PTPRN2: variants seen among roughly 807,000 people sequenced by gnomAD.
The protein encoded by PTPRN2 is receptor-type tyrosine-protein phosphatase N2.
Under a neutral mutation model 118.8 loss-of-function variants are expected in PTPRN2, and 74 were observed. The ratio of observed to expected loss-of-function variants is 0.62; its 90% confidence interval spans 0.52 to 0.76. The LOEUF (loss-of-function observed/expected upper bound fraction) is 0.76. Among genes scored for constraint, PTPRN2 ranks in the 30% least tolerant of loss-of-function variants. The probability of loss-of-function intolerance (pLI) is 0.00; values close to 1 mark genes in which losing one functional copy is unlikely to be tolerated. For synonymous variants in PTPRN2, 641 were observed against 608.0 expected, an observed-to-expected ratio of 1.05 and a Z score of -0.80; for missense variants, 1,481 against 1,394.4, an observed-to-expected ratio of 1.06 and a Z score of -0.99.
intron 12 of PTPRN2, among the ~76,000 whole-genome samples, chr7:157,714,935 T>A (rs1661173047): frequency 6.8e-6 from 1 of 146,302 alleles, no homozygotes; most frequent in African/African-American, 2.5e-5. Context: ...TTCTCCTGAA[T>A]GTATTCTGGG....
chr7:158,097,148 G>A (rs1814689133), intron 10 of PTPRN2, among the ~76,000 whole-genome samples: 1 of 151,620 alleles, frequency 6.6e-6, no homozygotes, highest in Admixed American at 6.6e-5. Context: ...TCACAACTCT[G>A]CCCCCGGAAA....
intron 12 of PTPRN2, among the ~76,000 whole-genome samples, chr7:157,810,823 C>T (rs182237345): frequency 2.9e-3 from 435 of 151,900 alleles, no homozygotes; most frequent in African/African-American, 8.5e-3. Context: ...TCCACGGGGA[C>T]GGCGGGACTG....
intron 3 of PTPRN2, among the ~76,000 whole-genome samples, chr7:158,243,260 A>G (rs1795998079): frequency 6.6e-6 from 1 of 152,216 alleles, no homozygotes; most frequent in Non-Finnish European, 1.5e-5. Context: ...CCAGACTCAG[A>G]GCTGAAAAGA....
At chr7:158,300,324 C>G (rs949566192) in intron 3 of PTPRN2, among the ~76,000 whole-genome samples, 1 of 152,192 alleles carries the variant, frequency 6.6e-6, no homozygotes, top group African/African-American at 2.4e-5. Context: ...CCCCTCGTAT[C>G]GTCTGATCCG....
intron 6 of PTPRN2, among the ~76,000 whole-genome samples, chr7:158,151,514 T>TGCCCCTGCCTGCCCA (rs1563522262): frequency 6.2e-5 from 9 of 146,076 alleles, no homozygotes; most frequent in African/African-American, 1.8e-4. Context: ...TTTCTGCTCC[T>TGCCCCTGCCTGCCCA]CACCGCACGT....
In PTPRN2 at chr7:157,704,600, C is replaced by T. The variant is rs1401376160; in HGVS notation, c.1789-21663G>A. On this transcript the variant is annotated intron_variant, in intron 12 of 22. Coordinates refer to ENST00000389418, the MANE Select transcript of PTPRN2 (RefSeq NM_002847.5). ...CACCCTACCACCTCCTGGCTCCCCA[C>T]ATTCGCTTCTGGGCACACGTGGAGG... Among the ~76,000 whole-genome samples, 9 of 152,192 alleles carry T rather than the reference C, an allele frequency of 5.9e-5. No individual in the cohort carries two copies. The South Asian group carries it at 1.7e-3, about 28-fold the overall frequency.
At chr7:157,753,632 C>A (rs1486247646) in intron 12 of PTPRN2, among the ~76,000 whole-genome samples, 2 of 148,910 alleles carry the variant, frequency 1.3e-5, no homozygotes, top group African/African-American at 5.0e-5. Flanking sequence ...ACGTGCCAGG[C>A]CCCACACCTG....
intron 6 of PTPRN2, among the ~76,000 whole-genome samples, chr7:158,155,987 C>G (rs914935782): frequency 1.3e-5 from 2 of 152,166 alleles, no homozygotes; most frequent in Non-Finnish European, 2.9e-5. Context: ...CAGGGAGAAA[C>G]TGACATAATC....
intron 19 of PTPRN2, among the ~76,000 whole-genome samples, chr7:157,575,431 G>A (rs1017930057): frequency 3.9e-5 from 6 of 152,228 alleles, no homozygotes; most frequent in Admixed American, 6.5e-5. Flanking sequence ...GGGAGGTGAC[G>A]GCAGGCAGGG....
chr7:158,337,321 A>C (rs1282035048), intron 2 of PTPRN2, among the ~76,000 whole-genome samples: 1 of 150,496 alleles, frequency 6.6e-6, no homozygotes, highest in African/African-American at 2.5e-5. Context: ...CATCATTCAC[A>C]CCCACACTGT....
chr7:158,274,868 T>C (rs1798856889), intron 3 of PTPRN2, among the ~76,000 whole-genome samples: 1 of 152,184 alleles, frequency 6.6e-6, no homozygotes, highest in African/African-American at 2.4e-5. Context: ...TCATTCCGAA[T>C]ATTTATTTGC....
intron 6 of PTPRN2, among the ~76,000 whole-genome samples, chr7:158,149,745 G>A (rs928062422): frequency 1.3e-5 from 2 of 151,594 alleles, no homozygotes; most frequent in African/African-American, 2.4e-5. Context: ...CGGAGGTTGC[G>A]GTGAGCTGAG....
intron 2 of PTPRN2, among the ~76,000 whole-genome samples, chr7:158,322,435 A>C (rs1803104335): frequency 6.6e-6 from 1 of 151,368 alleles, no homozygotes; most frequent in African/African-American, 2.4e-5. Flanking sequence ...CATCGAGGAC[A>C]CTCCAGGCTA....
At chr7:158,217,064 G>A (rs1450493489) in intron 3 of PTPRN2, among the ~76,000 whole-genome samples, 2 of 152,178 alleles carry the variant, frequency 1.3e-5, no homozygotes, top group Non-Finnish European at 2.9e-5. Flanking sequence ...AGTTAAAACT[G>A]TGCTAAGTGA....
intron 13 of PTPRN2, among the ~76,000 whole-genome samples, chr7:157,681,231 C>A (rs758409081): frequency 3.3e-5 from 5 of 152,136 alleles, no homozygotes; most frequent in Non-Finnish European, 4.4e-5. Flanking sequence ...TATGATCTTC[C>A]GTCTCTCACG....
chr7:158,165,542 A>G (rs944113372), intron 6 of PTPRN2, among the ~76,000 whole-genome samples: 6 of 152,268 alleles, frequency 3.9e-5, no homozygotes, highest in African/African-American at 1.4e-4. Context: ...TGCATGAACA[A>G]AGAAAGAGCG....
At chr7:158,185,972 CT>C (rs1361214646) in intron 5 of PTPRN2, among the ~76,000 whole-genome samples, 2 of 151,234 alleles carry the variant, frequency 1.3e-5, no homozygotes, top group African/African-American at 4.9e-5. Flanking sequence ...ACATGGGGCA[CT>C]CCATAGAGGC....
intron 11 of PTPRN2, among the ~76,000 whole-genome samples, chr7:158,019,593 G>A (rs868405611): frequency 1.3e-5 from 2 of 152,338 alleles, no homozygotes; most frequent in South Asian, 4.1e-4. Flanking sequence ...GAAAGAGGGC[G>A]CTTAAATTAT....
intron 11 of PTPRN2, among the ~76,000 whole-genome samples, chr7:158,059,395 C>T (rs1486033977): frequency 9.1e-5 from 11 of 121,076 alleles, no homozygotes; most frequent in South Asian, 8.6e-4. Flanking sequence ...CATCTGCCCA[C>T]GGTGACACAT....
Sources: gnomAD v4.1 joint callset for allele counts (sites outside exome capture counted in the v4.1 genomes callset) on GRCh38, gnomAD v4.1.1 for gene constraint, MANE v1.5 for transcripts, NCBI Gene and HGNC (gene_info 2026-07-23, HGNC 2026-07-21) for gene names.